Variants in NDUFAF2 observed in about 807,000 individuals in gnomAD.
The protein encoded by NDUFAF2 is NADH dehydrogenase [ubiquinone] 1 alpha subcomplex assembly factor 2.
Under a neutral mutation model 22.8 loss-of-function variants are expected in NDUFAF2, and 13 were observed. The observed-to-expected ratio is 0.57, with a 90% CI of 0.37 to 0.91. The LOEUF (loss-of-function observed/expected upper bound fraction) is 0.91. NDUFAF2 is among the 40% of genes least tolerant of loss of function. The probability of loss-of-function intolerance (pLI) is 0.01; values close to 1 mark genes in which losing one functional copy is unlikely to be tolerated. For synonymous variants in NDUFAF2, 53 were observed against 64.2 expected (o/e 0.83, Z 0.84); for missense variants, 162 against 195.2 (o/e 0.83, Z 1.01).
At chr5:60,995,176 A>G (rs556201344) in intron 1 of NDUFAF2, among the ~76,000 whole-genome samples, 8 of 152,236 alleles carry the variant, frequency 5.3e-5, no homozygotes, top group Non-Finnish European at 1.0e-4. Context: ...GTTTCTCCCA[A>G]ATAGTTACCT....
intron 1 of NDUFAF2, among the ~76,000 whole-genome samples, chr5:60,966,418 TG>T (rs950150535): frequency 2.4e-4 from 36 of 152,128 alleles, no homozygotes; most frequent in Admixed American, 4.6e-4. Flanking sequence ...GTGTGTTTGG[TG>T]TCATATCCAA....
intron 1 of NDUFAF2, among the ~76,000 whole-genome samples, chr5:61,006,355 T>C (rs1265179107): frequency 6.6e-6 from 1 of 152,204 alleles, no homozygotes; most frequent in Non-Finnish European, 1.5e-5. Flanking sequence ...CCTTGTAGTA[T>C]AGTTTGAAGT....
rs1157061659 is a variant in NDUFAF2, at chr5:60,961,068, T to C, written c.127+15686T>C. ...TGATGGTAGTGGTGATGGATGATGG[T>C]GGTGGTAGTGGTGGTGGTGGTGGTG... On this transcript the variant is annotated intron_variant, in intron 1 of 3. Coordinates refer to ENST00000296597, the MANE Select transcript of NDUFAF2 (RefSeq NM_174889.5). Among the ~76,000 whole-genome samples, 5 of 152,140 alleles carry C rather than the reference T, an allele frequency of 3.3e-5. No individual in the cohort carries two copies. The East Asian group carries it at 7.8e-4, about 24-fold the overall frequency.
intron 1 of NDUFAF2, among the ~76,000 whole-genome samples, chr5:60,997,547 CT>C (rs1433649440): frequency 3.3e-5 from 5 of 152,152 alleles, no homozygotes; most frequent in African/African-American, 1.2e-4. Flanking sequence ...TATAACATAC[CT>C]TTGATTCATA....
At chr5:61,040,017 C>G (rs1751850871) in intron 1 of NDUFAF2, among the ~76,000 whole-genome samples, 1 of 152,098 alleles carries the variant, frequency 6.6e-6, no homozygotes, top group Non-Finnish European at 1.5e-5. Flanking sequence ...AGCTGTTGAA[C>G]ACTTGAACTT....
At position 61,093,591 on chromosome 5, in the gene NDUFAF2, C is replaced by T. The variant is rs201931530; in HGVS notation, c.218-5401C>T. Among the ~76,000 whole-genome samples, 39 of 152,278 alleles carry T rather than the reference C, an allele frequency of 2.6e-4. No homozygotes were observed. In the East Asian group the frequency reaches 5.4e-3, roughly 21 times the overall value. On this transcript the variant is annotated intron_variant, in intron 2 of 3. Coordinates refer to ENST00000296597, the MANE Select transcript of NDUFAF2 (RefSeq NM_174889.5). ...ATTTGCATATATTGAACCAGCCTTG[C>T]GTCCCAGGGATGAAGCCAACTTGAT... is the stretch of plus-strand genomic sequence containing the variant.
At chr5:61,107,046 T>TATACAC (rs1295236944) in intron 3 of NDUFAF2, among the ~76,000 whole-genome samples, 10 of 123,938 alleles carry the variant, frequency 8.1e-5, no homozygotes, top group Non-Finnish European at 1.3e-4. Flanking sequence ...TGGATAAATA[T>TATACAC]ACACACACAC....
intron 3 of NDUFAF2, among the ~76,000 whole-genome samples, chr5:61,107,744 C>T (rs947568607): frequency 2.0e-5 from 3 of 150,044 alleles, no homozygotes; most frequent in East Asian, 2.0e-4. Flanking sequence ...TATACACGTG[C>T]CATGCTGGTG....
At chr5:61,138,557 A>T (rs575217716) in intron 3 of NDUFAF2, among the ~76,000 whole-genome samples, 2 of 152,262 alleles carry the variant, frequency 1.3e-5, no homozygotes, top group South Asian at 4.1e-4. Context: ...CTTTGAGAGT[A>T]TAGTAATTAA....
chr5:61,081,483 A>G (rs1486005769), intron 2 of NDUFAF2, among the ~76,000 whole-genome samples: 3 of 152,186 alleles, frequency 2.0e-5, no homozygotes, highest in Non-Finnish European at 4.4e-5. Context: ...TCCCAGTCTC[A>G]GGATTTGACT....
intron 1 of NDUFAF2, among the ~76,000 whole-genome samples, chr5:60,961,273 A>G (rs62365455): frequency 0.39 from 58,365 of 151,240 alleles, 12,242 homozygotes; most frequent in East Asian, 0.8. Flanking sequence ...CAGCCAGGCC[A>G]ACATGGTGAA....
At chr5:61,069,117 A>G (rs978746444) in intron 1 of NDUFAF2, among the ~76,000 whole-genome samples, 5 of 149,114 alleles carry the variant, frequency 3.4e-5, no homozygotes, top group Admixed American at 3.3e-4. Flanking sequence ...CATGCCATAA[A>G]TGTTAGTGCT....
chr5:60,998,415 A>G (rs908583783), intron 1 of NDUFAF2, among the ~76,000 whole-genome samples: 1 of 152,158 alleles, frequency 6.6e-6, no homozygotes, highest in Non-Finnish European at 1.5e-5. Context: ...TTTTGGAACT[A>G]TAGTAGCTTG....
chr5:61,080,091 A>G (rs975826682), intron 2 of NDUFAF2, among the ~76,000 whole-genome samples: 1 of 151,862 alleles, frequency 6.6e-6, no homozygotes, highest in Admixed American at 6.6e-5. Flanking sequence ...TACATTTGAG[A>G]TTTGTTTGTG....
At position 61,102,042 on chromosome 5, in the gene NDUFAF2, A is replaced by T. The variant is rs1006605796; in HGVS notation, c.258+3010A>T. Among the ~76,000 whole-genome samples, 3 of 152,292 alleles carry T rather than the reference A, an allele frequency of 2.0e-5. No homozygotes were observed. The East Asian group carries it at 5.8e-4, about 29-fold the overall frequency. On this transcript the variant is annotated intron_variant, in intron 3 of 3. Coordinates refer to ENST00000296597, the MANE Select transcript of NDUFAF2 (RefSeq NM_174889.5). ...AGGTAGGGCCTGAATATTTGCATTT[A>T]TAACATGTTGCTGGATGATGCTGAT...
chr5:61,009,642 T>C (rs942110019), intron 1 of NDUFAF2, among the ~76,000 whole-genome samples: 1 of 152,102 alleles, frequency 6.6e-6, no homozygotes, highest in Non-Finnish European at 1.5e-5. Context: ...TCTTTAGTAA[T>C]TGGGCTAATT....
intron 1 of NDUFAF2, among the ~76,000 whole-genome samples, chr5:61,001,634 T>G (rs1008153743): frequency 6.6e-6 from 1 of 152,150 alleles, no homozygotes; most frequent in African/African-American, 2.4e-5. Context: ...TAGTAAAATC[T>G]TATTACCTTG....
intron 1 of NDUFAF2, among the ~76,000 whole-genome samples, chr5:61,068,312 C>T (rs1430422746): frequency 6.6e-6 from 1 of 152,062 alleles, no homozygotes; most frequent in Non-Finnish European, 1.5e-5. Flanking sequence ...ACATTTTAAA[C>T]ACAATTGAAC....
intron 1 of NDUFAF2, among the ~76,000 whole-genome samples, chr5:61,020,569 G>GTA (rs1437899815): frequency 1.3e-5 from 2 of 151,808 alleles, no homozygotes; most frequent in Non-Finnish European, 2.9e-5. Flanking sequence ...GTGTGTGTGT[G>GTA]TGTGTACACA....
Sources: gnomAD v4.1 joint callset for allele counts (sites outside exome capture counted in the v4.1 genomes callset) on GRCh38, gnomAD v4.1.1 for gene constraint, MANE v1.5 for transcripts, NCBI Gene and HGNC (gene_info 2026-07-23, HGNC 2026-07-21) for gene names.